Variants in IRAK2 observed in about 807,000 individuals in gnomAD.
The protein encoded by IRAK2 is interleukin 1 receptor associated kinase 2.
In IRAK2, 57 loss-of-function variants were observed where a neutral mutation model predicts 72.0. The ratio of observed to expected loss-of-function variants is 0.79; its 90% CI spans 0.64 to 0.99. IRAK2 has a LOEUF of 0.99. Ranked by LOEUF, IRAK2 falls within the 50% of genes least tolerant of loss-of-function variation. The pLI is 0.00. For synonymous variants in IRAK2, 293 were observed against 312.7 expected, an observed-to-expected ratio of 0.94 and a Z score of 0.67; for missense variants, 790 against 794.4, an observed-to-expected ratio of 0.99 and a Z score of 0.07.
intron 9 of IRAK2, among the ~76,000 whole-genome samples, chr3:10,225,887 G>A (rs1324923730): frequency 6.6e-6 from 1 of 152,024 alleles, no homozygotes. Context: ...CTTTAGTAGA[G>A]ACGGGGTTTC....
At chr3:10,185,125 G>A (rs1697034041) in intron 2 of IRAK2, among the ~76,000 whole-genome samples, 1 of 151,428 alleles carries the variant, frequency 6.6e-6, no homozygotes, top group Non-Finnish European at 1.5e-5. Context: ...AGCATCCTAA[G>A]CATCAGTATC....
intron 4 of IRAK2, 125 bp from the exon 5 acceptor site, chr3:10,213,082 T>G: frequency 1.2e-6 from 1 of 818,068 alleles, no homozygotes; most frequent in Non-Finnish European, 1.9e-6. Context: ...CATGTCCTTT[T>G]TACAGTTTCC....
At chr3:10,202,591 C>A (rs1697378887) in intron 3 of IRAK2, among the ~76,000 whole-genome samples, 1 of 151,962 alleles carries the variant, frequency 6.6e-6, no homozygotes, top group African/African-American at 2.4e-5. Context: ...CCACTGCATT[C>A]CAGCCTGGGT....
intron 2 of IRAK2, among the ~76,000 whole-genome samples, chr3:10,178,576 T>C (rs1182724548): frequency 2.6e-5 from 4 of 152,190 alleles, no homozygotes; most frequent in African/African-American, 9.6e-5. Context: ...AATTATTTCA[T>C]ACCTTTTAAA....
chr3:10,173,062 A>G (rs1575951506), intron 1 of IRAK2, among the ~76,000 whole-genome samples: 1 of 152,158 alleles, frequency 6.6e-6, no homozygotes, highest in East Asian at 1.9e-4. Context: ...ATTGTGTGTT[A>G]AGCACTGTTC....
Position 10,213,554 on chromosome 3 carries a change from C to A in IRAK2, c.788+6C>A. The stretch of plus-strand genomic sequence containing the variant: ...GAGTTGCAGATTTGTCTTAGGTAAG[C>A]CTCCCCTTTGTTTAGTAATAATGAT... On this transcript the variant is annotated splice_donor_region_variant and intron_variant, in intron 6 of 12. Coordinates refer to ENST00000256458, the MANE Select transcript of IRAK2 (RefSeq NM_001570.4). 6.2e-7 allele frequency: 1 copy of A among 1,610,984 alleles called. No homozygotes were observed. Among genetic ancestry groups the A allele is most frequent in the Non-Finnish European group, 8.5e-7 (1 of 1,177,162 alleles).
chr3:10,227,963 C>G (rs1697806324), intron 10 of IRAK2, among the ~76,000 whole-genome samples: 1 of 152,024 alleles, frequency 6.6e-6, no homozygotes, highest in African/African-American at 2.4e-5. Context: ...GAGTTCTTAA[C>G]CACAGCAGTC....
At chr3:10,234,699 C>T (rs766913458) in intron 11 of IRAK2, 40 bp downstream of exon 11, 1 of 1,564,732 alleles carries the variant, frequency 6.4e-7, no homozygotes, top group South Asian at 1.1e-5. Flanking sequence ...CTGGGCCACG[C>T]GTGGGTCCAC....
Position 10,200,511 on chromosome 3 carries a change from C to G in IRAK2, c.420C>G (p.Gly140=), listed in dbSNP as rs774202256. 6.4e-7 allele frequency: 1 copy of G among 1,551,106 alleles called. No individual in the cohort carries two copies. Among genetic ancestry groups the G allele is most frequent in the Non-Finnish European group, 8.7e-7 (1 of 1,147,438 alleles). The part of the protein sequence containing the change: ...GQPVRMATFP[G]PGSSPARAHQ... ...CTGTGAGGATGGCCACCTTTCCAGG[C>G]CCAGGTATTTTAAATTTAACTTTTT... The change falls in exon 3 of 13, where the codon GGC becomes GGG. Residue 140 remains glycine (G), a synonymous_variant. Coordinates refer to ENST00000256458, the MANE Select transcript of IRAK2 (RefSeq NM_001570.4).
chr3:10,196,604 G>A (rs1383775050), intron 2 of IRAK2, among the ~76,000 whole-genome samples: 1 of 152,222 alleles, frequency 6.6e-6, no homozygotes, highest in Non-Finnish European at 1.5e-5. Flanking sequence ...TAGAACCACT[G>A]AAGTGCCCGT....
At chr3:10,204,659 G>A (rs771461618) in intron 3 of IRAK2, among the ~76,000 whole-genome samples, 2 of 152,120 alleles carry the variant, frequency 1.3e-5, no homozygotes, top group Admixed American at 6.6e-5. Context: ...TGAGGCAGGA[G>A]AATTGCTTGA....
Position 10,210,699 on chromosome 3 carries a change from C to T in IRAK2, c.528+1007C>T, listed in dbSNP as rs113342340. Among the ~76,000 whole-genome samples, 373 of 152,144 alleles carry T rather than the reference C, an allele frequency of 2.5e-3. 3 individuals carry two copies. Among genetic ancestry groups the T allele is most frequent in the African/African-American group, 6.1e-3 (254 of 41,494 alleles). ...CCCAGGAGTTGGAGACCAGCCTAGG[C>T]AACACAGGGAGGCCCCATCTCTAAA... is the stretch of plus-strand genomic sequence containing the variant. On this transcript the variant is annotated intron_variant, in intron 4 of 12. Transcript: ENST00000256458.
rs1405309491 is a variant in IRAK2, at chr3:10,178,101, C to A, written c.277+81C>A. On this transcript the variant is annotated intron_variant, in intron 2 of 12. Coordinates refer to ENST00000256458, the MANE Select transcript of IRAK2 (RefSeq NM_001570.4). ...CATCCGTGTGAGTTGCACTCTCTGG[C>A]CTTAATACTTTTTTCCTCTTTTAAT... 12 of 1,141,926 alleles carry A rather than the reference C, an allele frequency of 1.1e-5. No homozygotes were observed. The Admixed American group carries it at 2.9e-4, about 28-fold the overall frequency. The allele number at this position is 1,141,926 out of a possible 1,614,324, so 70.7% of individuals were successfully genotyped here. A position where few individuals can be genotyped will look rare whatever the true frequency, so the allele number is the denominator to read the frequency against.
rs1312362663 is a variant in IRAK2, at chr3:10,217,026, T to C, written c.881T>C (p.Leu294Pro). 2 of 1,613,570 alleles carry C rather than the reference T, an allele frequency of 1.2e-6. No individual in the cohort carries two copies. Among genetic ancestry groups the C allele is most frequent in the East Asian group, 4.5e-5 (2 of 44,882 alleles). Residue 294 changes from leucine (L) to proline (P), a missense_variant, in exon 7 of 13, where the codon CTA (leucine) becomes CCA (proline). Leu to Pro is a moderately conservative substitution (Grantham distance 98). Coordinates refer to ENST00000256458, the MANE Select transcript of IRAK2 (RefSeq NM_001570.4). Reference protein sequence around the residue: ...FIYPYMANGSLQDRLQGQGGS... With the variant: ...FIYPYMANGSPQDRLQGQGGS... ...TACCCCTACATGGCAAATGGTTCCC[T>C]ACAGGACAGACTGCAGGGTCAGGTA...
chr3:10,171,769 CTTTT>C (rs145535598), intron 1 of IRAK2, among the ~76,000 whole-genome samples: 1 of 138,070 alleles, frequency 7.2e-6, no homozygotes, highest in African/African-American at 2.7e-5. Context: ...TGCACCCAGC[CTTTT>C]TTTTTTTTTT....
At chr3:10,184,237 G>A (rs1697008034) in intron 2 of IRAK2, among the ~76,000 whole-genome samples, 1 of 152,184 alleles carries the variant, frequency 6.6e-6, no homozygotes, top group African/African-American at 2.4e-5. Context: ...GCTTGCAAGG[G>A]AGGCTGGGAA....
intron 2 of IRAK2, among the ~76,000 whole-genome samples, chr3:10,191,974 C>A (rs1228935976): frequency 9.2e-5 from 14 of 151,626 alleles, no homozygotes. Context: ...ATTAGGAAGG[C>A]AGGCTGTGCT....
At chr3:10,220,164 C>T (rs1254717663) in intron 8 of IRAK2, among the ~76,000 whole-genome samples, 10 of 152,228 alleles carry the variant, frequency 6.6e-5, no homozygotes, top group Non-Finnish European at 2.9e-5. Flanking sequence ...TTGAGCTCCT[C>T]GTTCAGTGTC....
Position 10,236,333 on chromosome 3 carries a change from G to A in IRAK2, c.1473+1674G>A, listed in dbSNP as rs1697958157. 4.4e-5 allele frequency among the ~76,000 whole-genome samples: 6 copies of A among 137,082 alleles called. No homozygotes were observed. The South Asian group carries it at 1.3e-3, about 30-fold the overall frequency. 89.9% of individuals were successfully genotyped at this position (137,082 alleles called of 152,430 possible). ...TAGGCACAGTAAGGATTTTTGCAGA[G>A]CCACTAAGGTTTTTTTTTTTTTTTT... On this transcript the variant is annotated intron_variant, in intron 11 of 12. Transcript: ENST00000256458.
Sources: allele counts gnomAD v4.1 joint callset (sites outside exome capture counted in the v4.1 genomes callset), GRCh38; gene constraint gnomAD v4.1.1; transcripts MANE v1.5; gene names NCBI Gene and HGNC (gene_info 2026-07-23, HGNC 2026-07-21).